The following CMIP variants were observed in gnomAD, a reference collection of about 807,000 sequenced individuals.
CMIP encodes C-Maf-inducing protein.
In CMIP, 13 loss-of-function variants were observed where a neutral mutation model predicts 97.3. That is an observed-to-expected ratio of 0.13 (90% CI 0.09 to 0.21). The LOEUF is 0.21. Ranked by LOEUF, CMIP falls within the 10% of genes least tolerant of loss-of-function variation. The pLI is 1.00. For missense variants in CMIP, 847 were observed against 1,024.9 expected (o/e 0.83, Z 2.37); for synonymous variants, 538 against 436.3 (o/e 1.23, Z -2.91).
intron 1 of CMIP, among the ~76,000 whole-genome samples, chr16:81,515,849 G>A (rs1281281768): frequency 6.6e-6 from 1 of 152,164 alleles, no homozygotes; most frequent in African/African-American, 2.4e-5. Context: ...GAGGTTGGAA[G>A]GCAAGAGGAA....
At chr16:81,495,631 A>G in intron 1 of CMIP, 1 of 829,352 alleles carries the variant, frequency 1.2e-6, no homozygotes, top group Non-Finnish European at 1.9e-6. Context: ...TGCTAATCTG[A>G]GAGACCCCAG....
intron 1 of CMIP, among the ~76,000 whole-genome samples, chr16:81,521,402 G>A (rs2090024660): frequency 1.3e-5 from 2 of 151,960 alleles, no homozygotes; most frequent in East Asian, 1.9e-4. Context: ...GCAAACACGA[G>A]CTGCCCCCGC....
At chr16:81,707,880 G>T (rs930682014) in intron 20 of CMIP, among the ~76,000 whole-genome samples, 1 of 152,236 alleles carries the variant, frequency 6.6e-6, no homozygotes, top group Non-Finnish European at 1.5e-5. Context: ...GATGGCACCC[G>T]TGAGCCACGC....
intron 1 of CMIP, among the ~76,000 whole-genome samples, chr16:81,589,635 C>T (rs921539836): frequency 6.6e-6 from 1 of 152,204 alleles, no homozygotes; most frequent in Non-Finnish European, 1.5e-5. Context: ...AAAGCAGTCC[C>T]CTGAGCCCCT....
intron 1 of CMIP, among the ~76,000 whole-genome samples, chr16:81,581,353 G>A (rs1432747372): frequency 6.6e-6 from 1 of 152,128 alleles, no homozygotes; most frequent in South Asian, 2.1e-4. Flanking sequence ...CAGAAGCCTC[G>A]ATGGTGTAGC....
intron 1 of CMIP, among the ~76,000 whole-genome samples, chr16:81,457,670 C>T (rs1041988400): frequency 2.6e-5 from 4 of 152,234 alleles, no homozygotes; most frequent in African/African-American, 4.8e-5. Context: ...ACACCTACCT[C>T]GTGAGGTCCC....
intron 1 of CMIP, among the ~76,000 whole-genome samples, chr16:81,496,720 G>T (rs1190134033): frequency 2.0e-5 from 3 of 152,218 alleles, no homozygotes; most frequent in Admixed American, 2.0e-4. Context: ...GTAGAGGCGG[G>T]GGTCAGCCCC....
intron 1 of CMIP, among the ~76,000 whole-genome samples, chr16:81,501,226 G>A (rs1316270953): frequency 6.6e-6 from 1 of 152,236 alleles, no homozygotes; most frequent in Non-Finnish European, 1.5e-5. Flanking sequence ...TCTTGCTAAG[G>A]AATTTCTGAG....
Position 81,597,457 on chromosome 16 carries a change from G to A in CMIP, c.301-10110G>A, listed in dbSNP as rs993465330. Among the ~76,000 whole-genome samples the A allele has an allele frequency of 2.0e-5, 3 of 152,184 alleles. No individual in the cohort carries two copies. The East Asian group carries it at 5.8e-4, about 29-fold the overall frequency. ...TGAATAGCTGTGTGCGGTTGGTCAA[G>A]TTGTGCACCTGCTCAGAGTGTTCAT... On this transcript the variant is annotated intron_variant, in intron 1 of 20. Transcript: ENST00000537098.
At chr16:81,449,269 C>A (rs1906057941) in intron 1 of CMIP, among the ~76,000 whole-genome samples, 1 of 152,196 alleles carries the variant, frequency 6.6e-6, no homozygotes, top group African/African-American at 2.4e-5. Context: ...AGCCATAATT[C>A]ATCAGTGGCT....
intron 1 of CMIP, among the ~76,000 whole-genome samples, chr16:81,574,832 C>T (rs2091161264): frequency 6.6e-6 from 1 of 152,218 alleles, no homozygotes; most frequent in South Asian, 2.1e-4. Flanking sequence ...ACTGTCAGAG[C>T]AGACCACACT....
At chr16:81,485,816 C>G (rs991730227) in intron 1 of CMIP, among the ~76,000 whole-genome samples, 3 of 152,302 alleles carry the variant, frequency 2.0e-5, no homozygotes, top group Middle Eastern at 3.4e-3. Flanking sequence ...GGCGAAAGAG[C>G]TTGCTGGAGG....
At chr16:81,518,059 G>A in intron 1 of CMIP, 2 of 246,366 alleles carry the variant, frequency 8.1e-6, no homozygotes, top group Non-Finnish European at 1.3e-5. Flanking sequence ...AGTGGAGGAG[G>A]GCGGTGGGTG....
intron 1 of CMIP, among the ~76,000 whole-genome samples, chr16:81,511,199 T>C (rs1422653855): frequency 6.6e-6 from 1 of 152,228 alleles, no homozygotes; most frequent in Non-Finnish European, 1.5e-5. Context: ...ATGCTGTTAG[T>C]TCATCAGAAA....
chr16:81,667,566 C>T (rs2092617391), intron 7 of CMIP, among the ~76,000 whole-genome samples: 1 of 152,068 alleles, frequency 6.6e-6, no homozygotes, highest in Non-Finnish European at 1.5e-5. Context: ...ATGACAGTTA[C>T]CTTAAGTCTC....
chr16:81,478,348 G>A (rs1908056395), intron 1 of CMIP, among the ~76,000 whole-genome samples: 1 of 152,220 alleles, frequency 6.6e-6, no homozygotes, highest in Admixed American at 6.5e-5. Flanking sequence ...AGTTCTGCAT[G>A]GCGCCAGCAG....
At chr16:81,448,146 ATGTTTCCT>A (rs1905978071) in intron 1 of CMIP, among the ~76,000 whole-genome samples, 1 of 152,184 alleles carries the variant, frequency 6.6e-6, no homozygotes, top group Non-Finnish European at 1.5e-5. Context: ...TATTCCAAGT[ATGTTTCCT>A]ATAGAGTCAT....
chr16:81,645,678 C>T, intron 3 of CMIP: 2 of 1,472,126 alleles, frequency 1.4e-6, no homozygotes, highest in Non-Finnish European at 1.8e-6. Flanking sequence ...AAGCAGGAGG[C>T]TCTGCCTGCT....
At chr16:81,511,884 C>G (rs1193417741) in intron 1 of CMIP, among the ~76,000 whole-genome samples, 5 of 152,122 alleles carry the variant, frequency 3.3e-5, no homozygotes, top group African/African-American at 1.2e-4. Context: ...TAGACCTGTG[C>G]TGTCCAATAC....
Sources: allele counts gnomAD v4.1 joint callset (sites outside exome capture counted in the v4.1 genomes callset), GRCh38; gene constraint gnomAD v4.1.1; transcripts MANE v1.5; gene names NCBI Gene and HGNC (gene_info 2026-07-23, HGNC 2026-07-21).